EPAS1: variants seen among roughly 807,000 people sequenced by gnomAD.
The protein encoded by EPAS1 is endothelial PAS domain protein 1.
Under a neutral mutation model 87.9 loss-of-function variants are expected in EPAS1, and 23 were observed. That is an observed-to-expected ratio of 0.26 (90% CI 0.19 to 0.37). EPAS1 has a LOEUF of 0.37. EPAS1 is among the 10% of genes least tolerant of loss of function. The pLI is 1.00. For missense variants in EPAS1, 1,138 were observed against 1,120.7 expected (o/e 1.02, Z -0.22); for synonymous variants, 508 against 444.3 (o/e 1.14, Z -1.80).
intron 2 of EPAS1, among the ~76,000 whole-genome samples, chr2:46,355,574 G>A (rs958046613): frequency 2.0e-5 from 3 of 152,354 alleles, no homozygotes; most frequent in South Asian, 2.1e-4. Flanking sequence ...TACCTTTCAT[G>A]TAGTAATTGC....
chr2:46,330,807 A>G (rs942166972), intron 1 of EPAS1, among the ~76,000 whole-genome samples: 4 of 152,188 alleles, frequency 2.6e-5, no homozygotes, highest in African/African-American at 9.7e-5. Flanking sequence ...CTGTCCTCCT[A>G]CAACCATAGC....
chr2:46,315,700 C>T (rs1683299216), intron 1 of EPAS1, among the ~76,000 whole-genome samples: 1 of 152,240 alleles, frequency 6.6e-6, no homozygotes. Flanking sequence ...GCAGCTCACT[C>T]ACACTGCTGG....
intron 6 of EPAS1, among the ~76,000 whole-genome samples, 158 bp downstream of exon 6, chr2:46,361,248 C>T (rs1159246125): frequency 1.3e-5 from 2 of 152,128 alleles, no homozygotes; most frequent in South Asian, 4.1e-4. Flanking sequence ...CATCAGTGCC[C>T]CTCAGAGGTT....
At chr2:46,331,069 T>A (rs4953346) in intron 1 of EPAS1, among the ~76,000 whole-genome samples, 2 of 152,036 alleles carry the variant, frequency 1.3e-5, no homozygotes, top group Non-Finnish European at 2.9e-5. Flanking sequence ...CATGTATATA[T>A]TATTTATTCC....
Position 46,377,944 on chromosome 2 carries a change from C to G in EPAS1, c.1300C>G (p.Pro434Ala). Reference protein sequence around the residue: ...SSAYGKAILPPSQPWATELRS... With the variant: ...SSAYGKAILPASQPWATELRS... ...AGCCTATGGCAAGGCCATCCTGCCC[C>G]CGAGCCAGCCATGGGCCACGGAGTT... Residue 434 changes from proline to alanine, a missense_variant, in exon 10 of 16, where the codon CCG becomes GCG. Pro to Ala is a conservative substitution (Grantham distance 27). This residue lies in a region of EPAS1 where 284 missense variants were observed against 258.4 expected (regional missense o/e 1.10). Transcript: ENST00000263734. 1 of 1,558,256 alleles carries G rather than the reference C, an allele frequency of 6.4e-7. No homozygotes were observed. The highest frequency in any genetic ancestry group is 8.7e-7 in the Non-Finnish European group (1 of 1,150,612).
At chr2:46,356,127 T>TGGGGGGGGGGGGGGCGGG in intron 2 of EPAS1, 24 bp from the exon 3 acceptor site, 1 of 1,395,472 alleles carries the variant, frequency 7.2e-7, no homozygotes, top group Non-Finnish European at 9.9e-7. Context: ...TCATGCAAGC[T>TGGGGGGGGGGGGGGCGGG]GTCCCACCCC....
rs1017701225 is a variant in EPAS1, at chr2:46,346,167, T to C, written c.27-706T>C. Among the ~76,000 whole-genome samples, 2 of 152,312 alleles carry C rather than the reference T, an allele frequency of 1.3e-5. No homozygotes were observed. The highest frequency in any genetic ancestry group is 3.4e-3 in the Middle Eastern group (1 of 294). On this transcript the variant is annotated intron_variant, in intron 1 of 15. Coordinates refer to ENST00000263734, the MANE Select transcript of EPAS1 (RefSeq NM_001430.5). The surrounding 1 kb of genome is among the most constrained non-coding windows in gnomAD (Gnocchi z 4.0). ...TCAGTGCGTGTCATCTTTCGTTCCA[T>C]CCTGCAGCAAAGAGGAGAATGAGGC...
At chr2:46,299,783 C>T (rs1039459657) in intron 1 of EPAS1, among the ~76,000 whole-genome samples, 1 of 152,170 alleles carries the variant, frequency 6.6e-6, no homozygotes, top group Admixed American at 6.5e-5. Flanking sequence ...ATGATTTCGA[C>T]ACACCCAGCT....
At chr2:46,378,236 A>AGG in intron 10 of EPAS1, 149 bp downstream of exon 10, 1 of 1,391,646 alleles carries the variant, frequency 7.2e-7, no homozygotes, top group Non-Finnish European at 9.5e-7. Flanking sequence ...CCTACCAGGT[A>AGG]TCAGAGCTGT....
intron 10 of EPAS1, 86 bp downstream of exon 10, chr2:46,378,173 G>T: frequency 6.6e-7 from 1 of 1,526,038 alleles, no homozygotes; most frequent in Non-Finnish European, 8.8e-7. Flanking sequence ...TTTGGGACAG[G>T]TACTGTCCTT....
At position 46,347,196 on chromosome 2, in the gene EPAS1, C is replaced by G. The variant is rs1684048947; in HGVS notation, c.217+133C>G. On this transcript the variant is annotated intron_variant, in intron 2 of 15. Transcript: ENST00000263734. This position sits in a 1 kb window ranked among gnomAD's most constrained non-coding sequence, Gnocchi z 4.2. ...GAACTTTCACCCACAGAAACACCAT[C>G]ATGAGTGATTTATTCCTTCATGTTA... The G allele has an allele frequency of 8.6e-6, 8 of 934,830 alleles. No homozygotes were observed. The highest frequency in any genetic ancestry group is 5.4e-5 in the South Asian group (4 of 74,246). The allele number at this position is 934,830 out of a possible 1,614,324, so 57.9% of individuals were successfully genotyped here.
intron 1 of EPAS1, among the ~76,000 whole-genome samples, chr2:46,310,939 C>G (rs954403834): frequency 3.3e-5 from 5 of 152,154 alleles, no homozygotes; most frequent in African/African-American, 1.2e-4. Context: ...TGCAGTGGCA[C>G]GATCTTGGCT....
At chr2:46,316,888 T>G (rs188607062) in intron 1 of EPAS1, among the ~76,000 whole-genome samples, 94 of 152,364 alleles carry the variant, frequency 6.2e-4, no homozygotes, top group African/African-American at 2.2e-3. Flanking sequence ...TGCCACTGCT[T>G]TATCAACTTA....
intron 8 of EPAS1, among the ~76,000 whole-genome samples, chr2:46,376,063 A>G (rs185993322): frequency 1.3e-5 from 2 of 152,280 alleles, no homozygotes; most frequent in East Asian, 3.9e-4. Flanking sequence ...TTTCCCTGGC[A>G]TCTGTCATTT....
Position 46,385,238 on chromosome 2 carries a change from G to C in EPAS1, c.*578G>C, listed in dbSNP as rs1410690332. On this transcript the variant is annotated 3_prime_UTR_variant, in exon 16 of 16. Coordinates refer to ENST00000263734, the MANE Select transcript of EPAS1 (RefSeq NM_001430.5). ...TCTTTGCTCTAATTTTGGAAAAAAA[G>C]AAATGTGAAGGGTCAACTCCAACGT... 6.5e-6 allele frequency: 1 copy of C among 153,226 alleles called. No individual in the cohort carries two copies. Among genetic ancestry groups the C allele is most frequent in the African/African-American group, 2.4e-5 (1 of 41,182 alleles). 9.5% of individuals were successfully genotyped at this position (153,226 alleles called of 1,614,324 possible). A position where few individuals can be genotyped will look rare whatever the true frequency, so the allele number is the denominator to read the frequency against.
intron 15 of EPAS1, among the ~76,000 whole-genome samples, chr2:46,383,401 C>T (rs778073257): frequency 6.6e-5 from 10 of 152,242 alleles, no homozygotes; most frequent in Non-Finnish European, 1.5e-4. Flanking sequence ...ACATATATGT[C>T]TTCATGAGGT....
chr2:46,306,130 T>G (rs552317532), intron 1 of EPAS1, among the ~76,000 whole-genome samples: 11 of 152,208 alleles, frequency 7.2e-5, no homozygotes, highest in Non-Finnish European at 1.5e-4. Flanking sequence ...ATATGATTAT[T>G]TTTTGGTAAT....
Position 46,347,222 on chromosome 2 carries a change from A to G in EPAS1, c.217+159A>G, listed in dbSNP as rs140391400. Reference sequence around the variant, plus strand: ...ATGAGTGATTTATTCCTTCATGTTAAACATCTCTCTTCCAGCAGTGACCTT... The same window carrying G: ...ATGAGTGATTTATTCCTTCATGTTAGACATCTCTCTTCCAGCAGTGACCTT... On this transcript the variant is annotated intron_variant, in intron 2 of 15. Coordinates refer to ENST00000263734, the MANE Select transcript of EPAS1 (RefSeq NM_001430.5). The surrounding 1 kb of genome is among the most constrained non-coding windows in gnomAD (Gnocchi z 4.2). 3.2e-3 allele frequency: 2,549 copies of G among 789,280 alleles called. 14 individuals carry two copies. The highest frequency in any genetic ancestry group is 4.2e-3 in the Non-Finnish European group (1,971 of 471,090). The allele number at this position is 789,280 out of a possible 1,614,324, so 48.9% of individuals were successfully genotyped here.
chr2:46,310,641 TG>T (rs1436816421), intron 1 of EPAS1, among the ~76,000 whole-genome samples: 1 of 152,178 alleles, frequency 6.6e-6, no homozygotes, highest in Non-Finnish European at 1.5e-5. Flanking sequence ...CTCGAGCAGG[TG>T]TAACCTTTCC....
Sources: gnomAD v4.1 joint callset for allele counts (sites outside exome capture counted in the v4.1 genomes callset) on GRCh38, gnomAD v4.1.1 for gene constraint, gnomAD v4.1.1 regional missense constraint, Gnocchi (gnomAD v3.1) non-coding constraint, MANE v1.5 for transcripts, NCBI Gene and HGNC (gene_info 2026-07-23, HGNC 2026-07-21) for gene names.